The following INPP5A variants were observed in gnomAD, a reference collection of about 807,000 sequenced individuals.
INPP5A encodes inositol polyphosphate-5-phosphatase A.
Under a neutral mutation model 65.2 loss-of-function variants are expected in INPP5A, and 14 were observed. The observed-to-expected ratio is 0.21, with a 90% CI of 0.14 to 0.34. INPP5A has a LOEUF of 0.34. INPP5A is among the 10% of genes least tolerant of loss of function. The pLI is 1.00. For synonymous variants in INPP5A, 207 were observed against 208.3 expected (o/e 0.99, Z 0.05); for missense variants, 431 against 545.6 (o/e 0.79, Z 2.09).
intron 6 of INPP5A, among the ~76,000 whole-genome samples, chr10:132,700,568 G>A (rs762230876): frequency 1.3e-5 from 2 of 152,154 alleles, no homozygotes; most frequent in Non-Finnish European, 1.5e-5. Flanking sequence ...GTGGCACCCT[G>A]TGTCCTTGCT....
rs751005467 is a variant in INPP5A at position 132,765,790 on chromosome 10, G to A, written c.921G>A (p.Lys307=). The stretch of plus-strand genomic sequence containing the variant: ...TTCTTTAGCTCTTGGAGTTTGACAA[G>A]GAGTTGTCTGTCTTTAAGGACAGAC... ...NNGTALLEFD[K]ELSVFKDRLY... The change falls in exon 12 of 16, where the codon AAG becomes AAA. Residue 307 remains lysine (K), a synonymous_variant. Coordinates refer to ENST00000368594, the MANE Select transcript of INPP5A (RefSeq NM_005539.5). The A allele has an allele frequency of 1.9e-6, 3 of 1,601,240 alleles. No homozygotes were observed. The South Asian group carries it at 3.3e-5, about 18-fold the overall frequency.
intron 1 of INPP5A, among the ~76,000 whole-genome samples, chr10:132,561,722 CCACACACACACACACACACACA>C (rs35335535): frequency 7.0e-6 from 1 of 142,314 alleles, no homozygotes; most frequent in Non-Finnish European, 1.5e-5. Context: ...TTGTCAATTT[CCACACACACACACACACACACA>C]CACACACACA....
At chr10:132,699,135 C>T (rs1845394580) in intron 6 of INPP5A, among the ~76,000 whole-genome samples, 1 of 152,228 alleles carries the variant, frequency 6.6e-6, no homozygotes, top group South Asian at 2.1e-4. Context: ...AGTTGCGTCC[C>T]TGGGTCATGA....
chr10:132,670,229 A>T (rs1350994464), intron 4 of INPP5A, among the ~76,000 whole-genome samples: 2 of 8,850 alleles, frequency 2.3e-4, no homozygotes, highest in African/African-American at 9.1e-4. Context: ...CCCTGACCCT[A>T]CACCCCCTGA....
intron 4 of INPP5A, among the ~76,000 whole-genome samples, chr10:132,688,942 C>G (rs549130435): frequency 6.7e-6 from 1 of 150,298 alleles, no homozygotes; most frequent in Non-Finnish European, 1.5e-5. Flanking sequence ...ATGTTAGTGC[C>G]TGTGAGCAAA....
At chr10:132,594,955 C>T (rs565409051) in intron 1 of INPP5A, among the ~76,000 whole-genome samples, 1 of 152,228 alleles carries the variant, frequency 6.6e-6, no homozygotes, top group Non-Finnish European at 1.5e-5. Context: ...CTTCCTAAAG[C>T]CTTTAAAATT....
intron 6 of INPP5A, among the ~76,000 whole-genome samples, chr10:132,702,254 T>C (rs1018720815): frequency 6.6e-6 from 1 of 152,266 alleles, no homozygotes; most frequent in Admixed American, 6.5e-5. Flanking sequence ...TTTAAAAATC[T>C]TAGAATCCTA....
chr10:132,697,042 T>C lies in INPP5A; in HGVS notation c.371-774T>C, dbSNP rs1845355792. Among the ~76,000 whole-genome samples the C allele has an allele frequency of 6.6e-6, 1 of 152,182 alleles. No individual in the cohort carries two copies. The highest frequency in any genetic ancestry group is 2.4e-5 in the African/African-American group (1 of 41,444). On this transcript the variant is annotated intron_variant, in intron 5 of 15. Coordinates refer to ENST00000368594, the MANE Select transcript of INPP5A (RefSeq NM_005539.5). The surrounding 1 kb of genome is among the most constrained non-coding windows in gnomAD (Gnocchi z 5.6). ...GACACAACACACTGCTCCAAAGCGG[T>C]CTCCAGGAACCTCGTTGACACCCAG...
chr10:132,639,308 CT>C (rs201064482), intron 2 of INPP5A, among the ~76,000 whole-genome samples: 4,495 of 140,300 alleles, frequency 0.032, 86 homozygotes, highest in African/African-American at 0.049. Context: ...TCTGGGTTGA[CT>C]TTTTTTTTTT....
chr10:132,667,714 A>T lies in INPP5A; in HGVS notation c.306+17209A>T, dbSNP rs567698144. On this transcript the variant is annotated intron_variant, in intron 4 of 15. Transcript: ENST00000368594. ...TATAGTATTGATCATACAAGCAGAG[A>T]TTAAGCTGTTCAGTGGAGCAGATGA... is the stretch of plus-strand genomic sequence containing the variant. 7.9e-5 allele frequency among the ~76,000 whole-genome samples: 12 copies of T among 152,350 alleles called. No homozygotes were observed. The South Asian group carries it at 2.5e-3, about 32-fold the overall frequency.
intron 1 of INPP5A, among the ~76,000 whole-genome samples, chr10:132,605,325 G>A (rs2133336847): frequency 7.2e-6 from 1 of 138,796 alleles, no homozygotes; most frequent in African/African-American, 2.8e-5. Flanking sequence ...GCTGGGGATG[G>A]GGAGGGGATG....
At chr10:132,730,922 G>A (rs983932540) in intron 9 of INPP5A, among the ~76,000 whole-genome samples, 13 of 152,350 alleles carry the variant, frequency 8.5e-5, no homozygotes, top group East Asian at 3.9e-4. Context: ...TGATAGAGCC[G>A]CGTGGCTATT....
chr10:132,680,947 G>T (rs12762658), intron 4 of INPP5A, among the ~76,000 whole-genome samples: 24,124 of 152,214 alleles, frequency 0.16, 2,278 homozygotes, highest in Admixed American at 0.26. Flanking sequence ...CGCTCCGTGG[G>T]CTCCTGTGCG....
rs923654210 is a variant in INPP5A, at chr10:132,555,769, T to C, written c.75+17598T>C. Among the ~76,000 whole-genome samples, 3 of 152,224 alleles carry C rather than the reference T, an allele frequency of 2.0e-5. No individual in the cohort carries two copies. The highest frequency in any genetic ancestry group is 4.4e-5 in the Non-Finnish European group (3 of 68,034). ...AACACTGACACACCTTGTCACACTCTGCAGGGTGTTTTGTTGCCCTCAGCA... is the reference window on the plus strand; with the variant it reads ...AACACTGACACACCTTGTCACACTCCGCAGGGTGTTTTGTTGCCCTCAGCA... On this transcript the variant is annotated intron_variant, in intron 1 of 15. Coordinates refer to ENST00000368594, the MANE Select transcript of INPP5A (RefSeq NM_005539.5). The surrounding 1 kb of genome is among the most constrained non-coding windows in gnomAD (Gnocchi z 4.4).
chr10:132,607,849 G>C (rs2071879928), intron 1 of INPP5A, 66 bp from the exon 2 acceptor site: 1 of 1,488,588 alleles, frequency 6.7e-7, no homozygotes, highest in African/African-American at 1.4e-5. Flanking sequence ...ACAGGAGCTT[G>C]TCCTGGCTCT....
intron 2 of INPP5A, among the ~76,000 whole-genome samples, chr10:132,628,368 G>A (rs529963930): frequency 9.9e-4 from 144 of 145,292 alleles, no homozygotes; most frequent in African/African-American, 3.6e-3. Context: ...CCACCGGGCC[G>A]GCAGCACCAT....
intron 6 of INPP5A, among the ~76,000 whole-genome samples, chr10:132,702,129 T>C (rs1590936812): frequency 6.6e-6 from 1 of 152,402 alleles, no homozygotes; most frequent in East Asian, 1.9e-4. Flanking sequence ...CTTAGTGCAG[T>C]GGTAGCTGCT....
In INPP5A at chr10:132,651,747, A is replaced by C. The variant is rs1396197506; in HGVS notation, c.306+1242A>C. ...GCTGTTTGGGTTCAAGGGCCATCTCACTTGTTTGGGCATCCAGTGCCAGTT... is the reference window on the plus strand; with the variant it reads ...GCTGTTTGGGTTCAAGGGCCATCTCCCTTGTTTGGGCATCCAGTGCCAGTT... On this transcript the variant is annotated intron_variant, in intron 4 of 15. Transcript: ENST00000368594. This position sits in a 1 kb window ranked among gnomAD's most constrained non-coding sequence, Gnocchi z 5.0. 6.6e-6 allele frequency among the ~76,000 whole-genome samples: 1 copy of C among 151,984 alleles called. No individual in the cohort carries two copies. Among genetic ancestry groups the C allele is most frequent in the Non-Finnish European group, 1.5e-5 (1 of 67,970 alleles).
chr10:132,639,187 G>A (rs2133383047), intron 2 of INPP5A, among the ~76,000 whole-genome samples: 1 of 152,216 alleles, frequency 6.6e-6, no homozygotes, highest in African/African-American at 2.4e-5. Context: ...GCCCTGCCCA[G>A]CCATCAGTTT....
Sources: allele counts gnomAD v4.1 joint callset (sites outside exome capture counted in the v4.1 genomes callset), GRCh38; gene constraint gnomAD v4.1.1; non-coding constraint Gnocchi (gnomAD v3.1); transcripts MANE v1.5; gene names NCBI Gene and HGNC (gene_info 2026-07-23, HGNC 2026-07-21).